CNTNAP5: variants seen among roughly 807,000 people sequenced by gnomAD.
CNTNAP5 encodes the protein contactin associated protein family member 5.
A neutral mutation model predicts 150.2 loss-of-function variants in CNTNAP5; 72 were observed. The ratio of observed to expected loss-of-function variants is 0.48; its 90% confidence interval spans 0.40 to 0.58. CNTNAP5 has a LOEUF of 0.58. Among genes scored for constraint, CNTNAP5 ranks in the 20% least tolerant of loss-of-function variants. The pLI is 0.00. For synonymous variants in CNTNAP5, 672 were observed against 619.8 expected (o/e 1.08, Z -1.25); for missense variants, 1,636 against 1,626.2 (o/e 1.01, Z -0.10).
intron 19 of CNTNAP5, among the ~76,000 whole-genome samples, chr2:124,803,888 G>A (rs1481175483): frequency 1.3e-5 from 2 of 152,082 alleles, no homozygotes; most frequent in African/African-American, 4.8e-5. Context: ...GTGTAATGCT[G>A]CCTCCACATA....
chr2:124,267,109 A>G (rs984753817), intron 3 of CNTNAP5, among the ~76,000 whole-genome samples: 1 of 152,156 alleles, frequency 6.6e-6, no homozygotes, highest in African/African-American at 2.4e-5. Flanking sequence ...ATTTTTAAAG[A>G]CTGCCTGCCC....
chr2:124,394,958 A>G (rs150490241), intron 3 of CNTNAP5, among the ~76,000 whole-genome samples: 115 of 152,334 alleles, frequency 7.5e-4, no homozygotes, highest in African/African-American at 2.7e-3. Context: ...AGTAAAATAC[A>G]TAATAAAATT....
intron 17 of CNTNAP5, among the ~76,000 whole-genome samples, chr2:124,785,534 A>G (rs10202684): frequency 0.12 from 18,959 of 152,186 alleles, 2,629 homozygotes; most frequent in African/African-American, 0.34. Flanking sequence ...TGTAGGACAA[A>G]CAGTGGAGTG....
At chr2:124,061,781 A>C (rs1172094636) in intron 1 of CNTNAP5, among the ~76,000 whole-genome samples, 1 of 152,174 alleles carries the variant, frequency 6.6e-6, no homozygotes, top group African/African-American at 2.4e-5. Context: ...AGTTGGCCCA[A>C]ATTTAAGTCA....
intron 5 of CNTNAP5, among the ~76,000 whole-genome samples, chr2:124,436,123 A>T (rs1692525309): frequency 6.6e-6 from 1 of 152,210 alleles, no homozygotes; most frequent in Admixed American, 6.5e-5. Context: ...TCCCAGTTAC[A>T]AGTGGCTTAC....
In CNTNAP5 at chr2:124,524,408, G is replaced by A. The variant is rs1419020128; in HGVS notation, c.1433G>A (p.Ser478Asn). The A allele has an allele frequency of 6.2e-7, 1 of 1,613,640 alleles. No homozygotes were observed. Among genetic ancestry groups the A allele is most frequent in the Admixed American group, 1.7e-5 (1 of 59,990 alleles). Residue 478 changes from serine to asparagine, a missense_variant, in exon 9 of 24, where the codon AGC becomes AAC. Coordinates refer to ENST00000682447, the MANE Select transcript of CNTNAP5 (RefSeq NM_001367498.1). The stretch of plus-strand genomic sequence containing the variant: ...GAAGCAGCACCCCCGGCTCCAGACA[G>A]CACTTGGGTGCAGATTTATTCTGGA... ...DDEAAPPAPD[S>N]TWVQIYSGNS...
At chr2:124,763,427 AT>A (rs1272820347) in intron 14 of CNTNAP5, among the ~76,000 whole-genome samples, 1 of 152,070 alleles carries the variant, frequency 6.6e-6, no homozygotes, top group Non-Finnish European at 1.5e-5. Flanking sequence ...TAAACTATCC[AT>A]TTCTACAAGC....
intron 13 of CNTNAP5, among the ~76,000 whole-genome samples, chr2:124,713,652 A>G (rs1324596672): frequency 1.3e-5 from 2 of 152,016 alleles, no homozygotes; most frequent in African/African-American, 4.8e-5. Context: ...CTGGGATTAC[A>G]GGCGTGAGCC....
intron 11 of CNTNAP5, among the ~76,000 whole-genome samples, chr2:124,565,388 C>T (rs1472406020): frequency 6.6e-6 from 1 of 151,854 alleles, no homozygotes; most frequent in Non-Finnish European, 1.5e-5. Flanking sequence ...GGGATGAATA[C>T]CCAATTTTCT....
At position 124,546,344 on chromosome 2, in the gene CNTNAP5, C is replaced by A. The variant is rs534982733; in HGVS notation, c.1650-16873C>A. ...ATGCTGGAGTAAGAAAAGTGTGTTT[C>A]TTTACTGCAGGATTTCTCAATGTGT... is the stretch of plus-strand genomic sequence containing the variant. On this transcript the variant is annotated intron_variant, in intron 10 of 23. Coordinates refer to ENST00000682447, the MANE Select transcript of CNTNAP5 (RefSeq NM_001367498.1). Among the ~76,000 whole-genome samples the A allele has an allele frequency of 2.7e-5, 4 of 145,960 alleles. No individual in the cohort carries two copies. The South Asian group carries it at 8.9e-4, about 33-fold the overall frequency.
chr2:124,633,592 C>T (rs983575335), intron 12 of CNTNAP5, among the ~76,000 whole-genome samples: 1 of 152,162 alleles, frequency 6.6e-6, no homozygotes, highest in African/African-American at 2.4e-5. Context: ...ATTTGGGGGT[C>T]TGGAGGATGG....
rs1201102294 is a variant in CNTNAP5 at position 124,567,393 on chromosome 2, C to A, written c.1756+4070C>A. Among the ~76,000 whole-genome samples the A allele has an allele frequency of 6.6e-5, 10 of 152,316 alleles. No individual in the cohort carries two copies. In the South Asian group the frequency reaches 1.9e-3, roughly 28 times the overall value. On this transcript the variant is annotated intron_variant, in intron 11 of 23. Coordinates refer to ENST00000682447, the MANE Select transcript of CNTNAP5 (RefSeq NM_001367498.1). Reference sequence around the variant, plus strand: ...CTTTTCAAACATACATCATTCAAAACTACCTTTTTAAGAAAAACATGATGA... The same window carrying A: ...CTTTTCAAACATACATCATTCAAAAATACCTTTTTAAGAAAAACATGATGA...
At chr2:124,075,902 T>A (rs1682425317) in intron 1 of CNTNAP5, among the ~76,000 whole-genome samples, 1 of 152,158 alleles carries the variant, frequency 6.6e-6, no homozygotes, top group Non-Finnish European at 1.5e-5. Flanking sequence ...TAATTAAACA[T>A]TGAGCCATGT....
intron 1 of CNTNAP5, among the ~76,000 whole-genome samples, chr2:124,120,938 AT>A (rs762955972): frequency 6.6e-6 from 1 of 152,068 alleles, no homozygotes; most frequent in African/African-American, 2.4e-5. Flanking sequence ...TGTTGGATCT[AT>A]TTTTTTGATG....
intron 21 of CNTNAP5, among the ~76,000 whole-genome samples, chr2:124,886,547 C>T (rs528809928): frequency 6.6e-6 from 1 of 152,112 alleles, no homozygotes; most frequent in Admixed American, 6.5e-5. Context: ...AGTCATATTT[C>T]ATGCTACTTT....
intron 18 of CNTNAP5, 84 bp from the exon 19 acceptor site, chr2:124,798,012 T>C (rs1025953681): frequency 6.1e-6 from 6 of 977,236 alleles, no homozygotes; most frequent in Non-Finnish European, 9.4e-6. Flanking sequence ...GCCCAGTGCA[T>C]AGGAAACGAG....
chr2:124,193,856 G>A lies in CNTNAP5; in HGVS notation c.83-27849G>A, dbSNP rs1335921477. 2.6e-5 allele frequency among the ~76,000 whole-genome samples: 4 copies of A among 152,062 alleles called. No homozygotes were observed. The East Asian group carries it at 5.8e-4, about 22-fold the overall frequency. ...TTGGAGAGAAAGAGAGGGTGGAGAGGGAGGAGACAGAGACAGGAAGTACAA... is the reference window on the plus strand; with the variant it reads ...TTGGAGAGAAAGAGAGGGTGGAGAGAGAGGAGACAGAGACAGGAAGTACAA... On this transcript the variant is annotated intron_variant, in intron 1 of 23. Transcript: ENST00000682447.
intron 13 of CNTNAP5, among the ~76,000 whole-genome samples, chr2:124,667,730 G>A (rs888683344): frequency 5.3e-5 from 8 of 152,170 alleles, no homozygotes; most frequent in African/African-American, 1.9e-4. Flanking sequence ...CCATTTTCCT[G>A]TCTATTCTCT....
intron 21 of CNTNAP5, among the ~76,000 whole-genome samples, chr2:124,900,475 T>G (rs1008184739): frequency 1.3e-5 from 2 of 151,536 alleles, no homozygotes; most frequent in Non-Finnish European, 2.9e-5. Flanking sequence ...CAGAAACACC[T>G]CAAGGTTTCT....
Sources: allele counts gnomAD v4.1 joint callset (sites outside exome capture counted in the v4.1 genomes callset), GRCh38; gene constraint gnomAD v4.1.1; transcripts MANE v1.5; gene names NCBI Gene and HGNC (gene_info 2026-07-23, HGNC 2026-07-21).